Variants in EXT2 observed in about 807,000 individuals in gnomAD.
EXT2 encodes the protein exostosin glycosyltransferase 2, also known as exostosin-2.
Under a neutral mutation model 81.6 loss-of-function variants are expected in EXT2, and 53 were observed. The ratio of observed to expected loss-of-function variants is 0.65; its 90% CI spans 0.52 to 0.82. The LOEUF (loss-of-function observed/expected upper bound fraction) is 0.82, where lower values mean the gene tolerates loss of function less well. EXT2 is among the 40% of genes least tolerant of loss of function. The pLI, the probability that EXT2 is intolerant of heterozygous loss-of-function variation, is 0.00. For synonymous variants in EXT2, 320 were observed against 340.0 expected (o/e 0.94, Z 0.65); for missense variants, 774 against 910.2 (o/e 0.85, Z 1.93).
chr11:44,185,915 G>A (rs1209293035), intron 8 of EXT2, among the ~76,000 whole-genome samples: 9 of 152,176 alleles, frequency 5.9e-5, no homozygotes, highest in Admixed American at 5.9e-4. Flanking sequence ...TTCAAGTATG[G>A]GAGAATCAGT....
rs76386814 is a variant in EXT2 at position 44,113,998 on chromosome 11, T to A, written c.627-187T>A. On this transcript the variant is annotated intron_variant, in intron 3 of 13. Transcript: ENST00000533608. ...TAGGACCCCGGGGGAAGGCTGGTGA[T>A]TCAAGGATAGAACGCAGCTGATGGC... 4.7e-3 allele frequency among the ~76,000 whole-genome samples: 709 copies of A among 152,164 alleles called. 8 individuals carry two copies. Among genetic ancestry groups the A allele is most frequent in the African/African-American group, 0.017 (688 of 41,488 alleles).
At chr11:44,096,171 C>T (rs887573884) in intron 1 of EXT2, 6 of 1,327,942 alleles carry the variant, frequency 4.5e-6, no homozygotes, top group Admixed American at 3.9e-5. Flanking sequence ...TCCTGCGACC[C>T]GCCCTCCGCC....
At chr11:44,101,939 A>G (rs1953988598) in intron 1 of EXT2, among the ~76,000 whole-genome samples, 1 of 116,330 alleles carries the variant, frequency 8.6e-6, no homozygotes, top group Non-Finnish European at 1.8e-5. Context: ...GACTTGTATA[A>G]TCAGTAAAAA....
intron 13 of EXT2, among the ~76,000 whole-genome samples, chr11:44,241,859 T>C (rs922864360): frequency 6.6e-6 from 1 of 152,190 alleles, no homozygotes; most frequent in Admixed American, 6.5e-5. Context: ...TGTGAAAAAG[T>C]AGGAAGCACT....
intron 5 of EXT2, among the ~76,000 whole-genome samples, chr11:44,126,166 T>C (rs1954400637): frequency 6.6e-6 from 1 of 152,248 alleles, no homozygotes; most frequent in African/African-American, 2.4e-5. Flanking sequence ...CATCTCTCCT[T>C]TTCCCAAGTA....
At chr11:44,194,407 A>T (rs1565229817) in intron 8 of EXT2, among the ~76,000 whole-genome samples, 1 of 152,234 alleles carries the variant, frequency 6.6e-6, no homozygotes, top group Non-Finnish European at 1.5e-5. Flanking sequence ...GAAAAGAGCT[A>T]GAAGTAGCAA....
At chr11:44,176,869 A>C (rs1481974763) in intron 8 of EXT2, among the ~76,000 whole-genome samples, 1 of 147,180 alleles carries the variant, frequency 6.8e-6, no homozygotes, top group East Asian at 2.1e-4. Flanking sequence ...GGAGAAGGAG[A>C]GGTGAGAGTT....
intron 8 of EXT2, among the ~76,000 whole-genome samples, chr11:44,172,949 T>C (rs912198226): frequency 2.0e-5 from 3 of 152,202 alleles, no homozygotes; most frequent in Non-Finnish European, 4.4e-5. Flanking sequence ...CTTTTCTCTT[T>C]CCTTTCCTGC....
chr11:44,136,793 C>CTCTGCT (rs1954574245), intron 7 of EXT2, among the ~76,000 whole-genome samples: 1 of 152,156 alleles, frequency 6.6e-6, no homozygotes, highest in Non-Finnish European at 1.5e-5. Flanking sequence ...GTTTCGTGGT[C>CTCTGCT]TCTGCTTTTG....
At position 44,124,892 on chromosome 11, in the gene EXT2, C is replaced by G. The variant is rs2135015195; in HGVS notation, c.847C>G (p.Leu283Val). ...QVKHGESVLV[L>V]DKCTNLSEGV... The stretch of plus-strand genomic sequence containing the variant: ...CAAACATGGAGAGTCAGTGTTAGTA[C>G]TCGATAAATGCACCAACCTCTCAGA... The change falls in exon 5 of 14, where the codon CTC becomes GTC. Residue 283 changes from leucine to valine, a missense_variant. This residue lies in a region of EXT2 where 626 missense variants were observed against 670.5 expected (regional missense o/e 0.93). Coordinates refer to ENST00000533608, the MANE Select transcript of EXT2 (RefSeq NM_207122.2). 6.2e-7 allele frequency: 1 copy of G among 1,614,102 alleles called. No individual in the cohort carries two copies. Among genetic ancestry groups the G allele is most frequent in the African/African-American group, 1.3e-5 (1 of 75,030 alleles).
At chr11:44,134,493 T>C (rs905061536) in intron 7 of EXT2, among the ~76,000 whole-genome samples, 1 of 152,170 alleles carries the variant, frequency 6.6e-6, no homozygotes, top group Non-Finnish European at 1.5e-5. Context: ...AGATGTAGAA[T>C]CTGAGGTAGG....
At chr11:44,170,100 C>T (rs1485941760) in intron 7 of EXT2, among the ~76,000 whole-genome samples, 3 of 152,014 alleles carry the variant, frequency 2.0e-5, no homozygotes, top group African/African-American at 4.8e-5. Context: ...AAACAATGTG[C>T]TGGACCATAA....
At chr11:44,160,901 C>G (rs1234331259) in intron 7 of EXT2, among the ~76,000 whole-genome samples, 3 of 152,262 alleles carry the variant, frequency 2.0e-5, no homozygotes, top group Admixed American at 1.3e-4. Flanking sequence ...CTTAGCCAAT[C>G]TATGGAAAGC....
intron 7 of EXT2, among the ~76,000 whole-genome samples, chr11:44,145,841 G>T (rs1433490701): frequency 6.6e-6 from 1 of 152,126 alleles, no homozygotes; most frequent in Non-Finnish European, 1.5e-5. Flanking sequence ...CCTACTTTGG[G>T]TAATATACTA....
chr11:44,237,921 A>AAAAAAAC (rs1442190204), intron 13 of EXT2, among the ~76,000 whole-genome samples: 7 of 150,252 alleles, frequency 4.7e-5, no homozygotes, highest in African/African-American at 1.7e-4. Context: ...AAAAAAAAAA[A>AAAAAAAC]AAAAAAAAAC....
intron 8 of EXT2, among the ~76,000 whole-genome samples, chr11:44,172,404 G>T (rs908300320): frequency 3.3e-5 from 5 of 152,124 alleles, no homozygotes; most frequent in African/African-American, 1.2e-4. Context: ...CACTGAAAAT[G>T]CCTGAAGTTT....
intron 13 of EXT2, among the ~76,000 whole-genome samples, chr11:44,241,316 T>A (rs1956034695): frequency 1.3e-5 from 2 of 152,244 alleles, no homozygotes; most frequent in Admixed American, 6.5e-5. Context: ...GGCTAATCTT[T>A]ATTCAAATGA....
At chr11:44,243,398 C>T (rs541947470) in intron 13 of EXT2, among the ~76,000 whole-genome samples, 2 of 152,088 alleles carry the variant, frequency 1.3e-5, no homozygotes, top group African/African-American at 2.4e-5. Flanking sequence ...CCTCCTCTGG[C>T]GGTGCTGTGC....
intron 7 of EXT2, among the ~76,000 whole-genome samples, chr11:44,136,690 A>G (rs1002573431): frequency 2.6e-5 from 4 of 152,190 alleles, no homozygotes; most frequent in African/African-American, 7.2e-5. Flanking sequence ...AGAAGTATAC[A>G]TAAACTGGAC....
Sources: allele counts gnomAD v4.1 joint callset (sites outside exome capture counted in the v4.1 genomes callset), GRCh38; gene constraint gnomAD v4.1.1; regional missense constraint gnomAD v4.1.1; transcripts MANE v1.5; gene names NCBI Gene and HGNC (gene_info 2026-07-23, HGNC 2026-07-21).